ACAP2: variants seen among roughly 807,000 people sequenced by gnomAD.
ACAP2 encodes ArfGAP with coiled-coil, ankyrin repeat and PH domains 2, also known as arf-GAP with coiled-coil, ANK repeat and PH domain-containing protein 2.
A neutral mutation model predicts 115.8 loss-of-function variants in ACAP2; 39 were observed. That is an observed-to-expected ratio of 0.34 (90% CI 0.26 to 0.44). ACAP2 has a LOEUF of 0.44. Among genes scored for constraint, ACAP2 ranks in the 20% least tolerant of loss-of-function variants. The pLI is 1.00. For synonymous variants in ACAP2, 289 were observed against 315.8 expected, an observed-to-expected ratio of 0.92 and a Z score of 0.90; for missense variants, 662 against 927.6, an observed-to-expected ratio of 0.71 and a Z score of 3.72.
intron 1 of ACAP2, among the ~76,000 whole-genome samples, chr3:195,413,344 A>G (rs2108815463): frequency 6.6e-6 from 1 of 152,324 alleles, no homozygotes; most frequent in African/African-American, 2.4e-5. Flanking sequence ...CCACAGACTG[A>G]AAATATTTAC....
At chr3:195,419,880 ATCTG>A (rs541694435) in intron 1 of ACAP2, among the ~76,000 whole-genome samples, 100 of 152,284 alleles carry the variant, frequency 6.6e-4, no homozygotes, top group African/African-American at 2.3e-3. Context: ...ACTTCTGTTC[ATCTG>A]TCTGTTCTAG....
At chr3:195,426,971 C>G (rs1303813119) in intron 1 of ACAP2, among the ~76,000 whole-genome samples, 1 of 151,772 alleles carries the variant, frequency 6.6e-6, no homozygotes, top group Non-Finnish European at 1.5e-5. Context: ...TCCGAATCCT[C>G]AGAACCCGCA....
Position 195,362,294 on chromosome 3 carries a change from C to T in ACAP2, c.286-16977G>A, listed in dbSNP as rs979631256. Among the ~76,000 whole-genome samples the T allele has an allele frequency of 4.1e-5, 5 of 123,192 alleles. No homozygotes were observed. The East Asian group carries it at 1.2e-3, about 30-fold the overall frequency. The allele number at this position is 123,192 out of a possible 152,430, so 80.8% of individuals were successfully genotyped here. A position where few individuals can be genotyped will look rare whatever the true frequency, so the allele number is the denominator to read the frequency against. On this transcript the variant is annotated intron_variant, in intron 4 of 22. Transcript: ENST00000326793. ...TTGCGCCACTGCACTCTAGCCTGGGCAACAAGAGTGAAAACTCCATCTCAA... is the reference window on the plus strand; with the variant it reads ...TTGCGCCACTGCACTCTAGCCTGGGTAACAAGAGTGAAAACTCCATCTCAA...
Position 195,277,698 on chromosome 3 carries a change from CTTA to C in ACAP2, c.*1627_*1629del, listed in dbSNP as rs1214240412. 6.6e-6 allele frequency: 1 copy of C among 152,074 alleles called. No individual in the cohort carries two copies. The highest frequency in any genetic ancestry group is 1.5e-5 in the Non-Finnish European group (1 of 68,024). 9.4% of individuals were successfully genotyped at this position (152,074 alleles called of 1,614,324 possible). ...AAAGTTTTTATATATTTTAAAACCT[CTTA>C]TTTAGAAAGAGTATCAATAATATCA... On this transcript the variant is annotated 3_prime_UTR_variant, in exon 23 of 23. Coordinates refer to ENST00000326793, the MANE Select transcript of ACAP2 (RefSeq NM_012287.6).
intron 1 of ACAP2, among the ~76,000 whole-genome samples, chr3:195,405,364 T>C (rs1223759524): frequency 6.6e-6 from 1 of 152,142 alleles, no homozygotes; most frequent in African/African-American, 2.4e-5. Context: ...TTAAGGATGA[T>C]GTATTGGTCT....
At chr3:195,339,203 C>G (rs1423651621) in intron 6 of ACAP2, among the ~76,000 whole-genome samples, 1 of 152,092 alleles carries the variant, frequency 6.6e-6, no homozygotes, top group East Asian at 1.9e-4. Context: ...TGCACTCCAG[C>G]CTGGGCGACA....
intron 4 of ACAP2, among the ~76,000 whole-genome samples, chr3:195,373,707 A>T (rs1197655049): frequency 2.6e-5 from 4 of 152,148 alleles, no homozygotes; most frequent in Non-Finnish European, 5.9e-5. Flanking sequence ...AGGCGGGTGG[A>T]TCATTTGAGG....
intron 1 of ACAP2, among the ~76,000 whole-genome samples, chr3:195,418,687 C>A (rs1713933846): frequency 6.6e-6 from 1 of 152,184 alleles, no homozygotes. Flanking sequence ...ACCACGGCGT[C>A]CCCAAGTGCT....
chr3:195,415,675 A>G (rs1713661471), intron 1 of ACAP2, among the ~76,000 whole-genome samples: 1 of 152,212 alleles, frequency 6.6e-6, no homozygotes, highest in South Asian at 2.1e-4. Flanking sequence ...CACTTGTATC[A>G]TTTATTTTTA....
chr3:195,386,227 G>A (rs763941338), intron 2 of ACAP2, among the ~76,000 whole-genome samples: 29 of 152,302 alleles, frequency 1.9e-4, no homozygotes, highest in Middle Eastern at 3.4e-3. Flanking sequence ...CCAGAAGACA[G>A]AGGGAGAGGA....
intron 1 of ACAP2, among the ~76,000 whole-genome samples, chr3:195,410,025 T>C (rs999096229): frequency 2.6e-5 from 4 of 151,832 alleles, no homozygotes; most frequent in Non-Finnish European, 2.9e-5. Context: ...ATTTCAAAAC[T>C]TACCACAAAG....
In ACAP2 at chr3:195,424,239, T is replaced by C. The variant is rs1714435117; in HGVS notation, c.53+18556A>G. Among the ~76,000 whole-genome samples, 3 of 101,282 alleles carry C rather than the reference T, an allele frequency of 3.0e-5. No individual in the cohort carries two copies. In the Admixed American group the frequency reaches 3.2e-4, roughly 11 times the overall value. 66.4% of individuals were successfully genotyped at this position (101,282 alleles called of 152,430 possible). ...GAATGGTCATATGTGTGTGTGTGTG[T>C]GTGTGGTGTGTGTGTGTGTGTGTAT... On this transcript the variant is annotated intron_variant, in intron 1 of 22. Coordinates refer to ENST00000326793, the MANE Select transcript of ACAP2 (RefSeq NM_012287.6).
intron 10 of ACAP2, among the ~76,000 whole-genome samples, chr3:195,318,676 G>C (rs185926299): frequency 6.6e-6 from 1 of 152,148 alleles, no homozygotes; most frequent in African/African-American, 2.4e-5. Flanking sequence ...TGGATTTCCC[G>C]AAAGTGTACC....
At chr3:195,442,721 C>A in intron 1 of ACAP2, 74 bp downstream of exon 1, 1 of 1,467,892 alleles carries the variant, frequency 6.8e-7, no homozygotes, top group Admixed American at 2.2e-5. Flanking sequence ...CCTCCGGGTG[C>A]GCGGGCCCGG....
At chr3:195,382,050 GT>G in intron 2 of ACAP2, 28 bp from the exon 3 acceptor site, 1 of 1,593,098 alleles carries the variant, frequency 6.3e-7, no homozygotes, top group Non-Finnish European at 8.5e-7. Flanking sequence ...AATTCATCAG[GT>G]TGAAGATAGT....
rs139682666 is a variant in ACAP2 at position 195,337,392 on chromosome 3, T to C, written c.529-416A>G. Among the ~76,000 whole-genome samples, 783 of 151,728 alleles carry C rather than the reference T, an allele frequency of 5.2e-3. 5 individuals are homozygous for C. Among genetic ancestry groups the C allele is most frequent in the African/African-American group, 0.018 (746 of 41,376 alleles). ...CAATAGGCTATGAATTAGTCTCTTC[T>C]CTGCTTCCATTCTTGACTCCCTACA... is the stretch of plus-strand genomic sequence containing the variant. On this transcript the variant is annotated intron_variant, in intron 6 of 22. Transcript: ENST00000326793.
At chr3:195,336,637 T>G (rs1334335323) in intron 7 of ACAP2, 2 of 248,020 alleles carry the variant, frequency 8.1e-6, no homozygotes, top group Non-Finnish European at 1.5e-5. Flanking sequence ...CAAATGGTAC[T>G]GGGCATCTAG....
chr3:195,304,221 C>T (rs935209007), intron 13 of ACAP2, among the ~76,000 whole-genome samples: 3 of 144,336 alleles, frequency 2.1e-5, no homozygotes, highest in African/African-American at 5.2e-5. Context: ...AGGATTATTC[C>T]GAAATTTTAA....
chr3:195,319,375 G>A (rs1433138857), intron 10 of ACAP2, among the ~76,000 whole-genome samples: 1 of 152,206 alleles, frequency 6.6e-6, no homozygotes, highest in Non-Finnish European at 1.5e-5. Context: ...CCAGACCCCA[G>A]AAGGGTAGAT....
Sources: gnomAD v4.1 joint callset for allele counts (sites outside exome capture counted in the v4.1 genomes callset) on GRCh38, gnomAD v4.1.1 for gene constraint, MANE v1.5 for transcripts, NCBI Gene and HGNC (gene_info 2026-07-23, HGNC 2026-07-21) for gene names.